Variants in NEBL observed in about 807,000 individuals in gnomAD.
NEBL encodes the protein nebulette.
A neutral mutation model predicts 140.2 loss-of-function variants in NEBL; 122 were observed. The ratio of observed to expected loss-of-function variants is 0.87; its 90% confidence interval spans 0.75 to 1.01. NEBL has a LOEUF of 1.01. Ranked by LOEUF, NEBL falls within the 50% of genes least tolerant of loss-of-function variation. NEBL has a pLI of 0.00. For synonymous variants in NEBL, 436 were observed against 398.9 expected (o/e 1.09, Z -1.11); for missense variants, 1,365 against 1,231.3 (o/e 1.11, Z -1.62).
chr10:20,786,639 G>C (rs1342620928), intron 27 of NEBL, among the ~76,000 whole-genome samples: 1 of 152,196 alleles, frequency 6.6e-6, no homozygotes, highest in East Asian at 1.9e-4. Context: ...GGACAGTGTA[G>C]AAGAGTTTTC....
intron 7 of NEBL, chr10:20,867,988 A>G (rs538831122): frequency 5.3e-5 from 8 of 151,112 alleles, no homozygotes; most frequent in African/African-American, 1.5e-4. Context: ...TCATTTTCAT[A>G]CTTTTAAAGG....
At chr10:21,169,968 G>A (rs1288953674) in intron 2 of NEBL, among the ~76,000 whole-genome samples, 1 of 152,028 alleles carries the variant, frequency 6.6e-6, no homozygotes, top group African/African-American at 2.4e-5. Flanking sequence ...ATTTCCTTTT[G>A]GGGCCCACAT....
exon 2 of NEBL, among the ~76,000 whole-genome samples, chr10:21,251,774 T>C (rs367916710): frequency 1.9e-3 from 291 of 152,240 alleles, no homozygotes; most frequent in African/African-American, 6.8e-3. Context: ...TGGCCATCCA[T>C]GAACCAGGAA....
intron 3 of NEBL, among the ~76,000 whole-genome samples, chr10:21,003,580 CT>C (rs1316379789): frequency 2.6e-5 from 4 of 152,168 alleles, no homozygotes; most frequent in Non-Finnish European, 5.9e-5. Flanking sequence ...ATACCTACAT[CT>C]GAAACCAACT....
chr10:20,965,522 G>T (rs945076085), intron 3 of NEBL, among the ~76,000 whole-genome samples: 5 of 152,218 alleles, frequency 3.3e-5, no homozygotes, highest in African/African-American at 1.2e-4. Context: ...AGGCCGCTCT[G>T]TCTGGAGCAA....
chr10:21,102,593 A>G (rs77207874), intron 2 of NEBL, among the ~76,000 whole-genome samples: 3,164 of 152,274 alleles, frequency 0.021, 49 homozygotes, highest in South Asian at 0.043. Context: ...CAGTTGTCTT[A>G]CTGGCATGCT....
intron 3 of NEBL, among the ~76,000 whole-genome samples, chr10:21,210,030 G>C (rs1289783418): frequency 6.6e-6 from 1 of 152,150 alleles, no homozygotes; most frequent in African/African-American, 2.4e-5. Context: ...AATACCTCCA[G>C]TTCCACGAGC....
Position 21,251,010 on chromosome 10 carries a change from TAAG to T in NEBL, n.279+719_279+721del, listed in dbSNP as rs1259188179. 3.9e-5 allele frequency among the ~76,000 whole-genome samples: 6 copies of T among 152,336 alleles called. No individual in the cohort carries two copies. In the South Asian group the frequency reaches 1.0e-3, roughly 26 times the overall value. ...TCTGGGTTGAGAAGAAACTCAGAAC[TAAG>T]AAGAAGTACTTTTTGATGAATTGCA... is the stretch of plus-strand genomic sequence containing the variant. On this transcript the variant is annotated intron_variant and non_coding_transcript_variant, in intron 2 of 8. Coordinates refer to the NEBL transcript ENST00000675702.
intron 2 of NEBL, among the ~76,000 whole-genome samples, chr10:21,075,550 C>T (rs2131917550): frequency 6.6e-6 from 1 of 152,278 alleles, no homozygotes; most frequent in Middle Eastern, 3.4e-3. Flanking sequence ...TTTGTCCTTG[C>T]TGAGCCAAAT....
chr10:21,169,067 A>AAAAATATATAT (rs1554830679), intron 2 of NEBL, among the ~76,000 whole-genome samples: 12 of 23,068 alleles, frequency 5.2e-4, no homozygotes, highest in Non-Finnish European at 9.5e-4. Flanking sequence ...AAAAAAAAAA[A>AAAAATATATAT]ATATATATAT....
In NEBL at chr10:20,938,144, A is replaced by C. The variant is rs1451646733; in HGVS notation, c.357+23528T>G. Among the ~76,000 whole-genome samples the C allele has an allele frequency of 2.0e-5, 3 of 152,100 alleles. No individual in the cohort carries two copies. The East Asian group carries it at 5.8e-4, about 29-fold the overall frequency. The stretch of plus-strand genomic sequence containing the variant: ...CTGAGAATGGACAGACTACCTCCTA[A>C]AGTGGGTCCCTGACCCCCGAGTAGC... On this transcript the variant is annotated intron_variant, in intron 4 of 6. Coordinates refer to the NEBL transcript ENST00000417816.
At chr10:20,788,955 A>G (rs1274713794) in intron 26 of NEBL, among the ~76,000 whole-genome samples, 1 of 152,186 alleles carries the variant, frequency 6.6e-6, no homozygotes, top group Non-Finnish European at 1.5e-5. Context: ...GCGTGCACAG[A>G]GCATACTGCA....
chr10:21,264,480 C>A (rs750827429), intron 1 of NEBL, among the ~76,000 whole-genome samples: 5 of 151,980 alleles, frequency 3.3e-5, no homozygotes, highest in Non-Finnish European at 7.4e-5. Context: ...AGGTGTTGTC[C>A]TCAACTCTCC....
intron 3 of NEBL, among the ~76,000 whole-genome samples, chr10:21,012,994 A>C (rs1838405764): frequency 6.6e-6 from 1 of 152,188 alleles, no homozygotes. Flanking sequence ...CTAGCAGTGC[A>C]CAAAAATCAA....
chr10:21,255,806 G>C (rs976832323), intron 1 of NEBL, among the ~76,000 whole-genome samples: 1 of 151,898 alleles, frequency 6.6e-6, no homozygotes, highest in African/African-American at 2.4e-5. Context: ...GACCAGCCTG[G>C]CCAACATGGT....
chr10:21,253,520 C>T (rs1238818017), intron 1 of NEBL, among the ~76,000 whole-genome samples: 7 of 149,090 alleles, frequency 4.7e-5, no homozygotes, highest in Non-Finnish European at 8.9e-5. Context: ...AGTGGGAAAA[C>T]GTCATTACTT....
intron 2 of NEBL, among the ~76,000 whole-genome samples, chr10:21,072,356 C>T (rs934151579): frequency 2.0e-5 from 3 of 152,198 alleles, no homozygotes; most frequent in South Asian, 2.1e-4. Flanking sequence ...AAGTTCCATA[C>T]CATATGTACA....
intron 2 of NEBL, among the ~76,000 whole-genome samples, chr10:21,096,283 C>T (rs1287763331): frequency 1.3e-5 from 2 of 152,132 alleles, no homozygotes; most frequent in African/African-American, 2.4e-5. Context: ...TATTCTCATC[C>T]TCAGTCAGCT....
intron 2 of NEBL, among the ~76,000 whole-genome samples, chr10:21,053,064 T>TAG (rs1834846766): frequency 6.6e-6 from 1 of 152,230 alleles, no homozygotes; most frequent in Non-Finnish European, 1.5e-5. Flanking sequence ...AATGCCTTGA[T>TAG]TTGATCACTA....
Sources: allele counts gnomAD v4.1 joint callset (sites outside exome capture counted in the v4.1 genomes callset), GRCh38; gene constraint gnomAD v4.1.1; transcripts MANE v1.5; gene names NCBI Gene and HGNC (gene_info 2026-07-23, HGNC 2026-07-21).